Variants in ACBD4 observed in about 807,000 individuals in gnomAD.
The protein encoded by ACBD4 is acyl-CoA-binding domain-containing protein 4.
ACBD4 carries 41 observed loss-of-function variants against 46.0 expected under a neutral mutation model. The observed-to-expected ratio is 0.89, with a 90% CI of 0.69 to 1.16. The LOEUF (loss-of-function observed/expected upper bound fraction) is 1.16, where lower values mean the gene tolerates loss of function less well. Among genes scored for constraint, ACBD4 ranks in the 50% most tolerant of loss-of-function variants. The pLI, the probability that ACBD4 is intolerant of heterozygous loss-of-function variation, is 0.00. For missense variants in ACBD4, 393 were observed against 399.5 expected, an observed-to-expected ratio of 0.98 and a Z score of 0.14; for synonymous variants, 162 against 155.9, an observed-to-expected ratio of 1.04 and a Z score of -0.29.
rs1381815889 is a variant in ACBD4 at position 45,137,116 on chromosome 17, A to C, written c.392A>C (p.Glu131Ala). ...QVIPDMPRPP[E>A]TFLRRVTGWK... Reference sequence around the variant, plus strand: ...ATCCCTGACATGCCGAGGCCCCCAGAGACCTTCCTGAGAAGGGTCACAGGT... The same window carrying C: ...ATCCCTGACATGCCGAGGCCCCCAGCGACCTTCCTGAGAAGGGTCACAGGT... Residue 131 changes from glutamate to alanine, a missense_variant, in exon 5 of 10, where the codon GAG becomes GCG. Physicochemically the swap from Glu to Ala is moderately radical, Grantham distance 107. Coordinates refer to ENST00000321854, the MANE Select transcript of ACBD4 (RefSeq NM_001135705.3). 1 of 1,614,096 alleles carries C rather than the reference A, an allele frequency of 6.2e-7. No individual in the cohort carries two copies. The highest frequency in any genetic ancestry group is 8.5e-7 in the Non-Finnish European group (1 of 1,180,014).
rs1214743516 is a variant in ACBD4, at chr17:45,143,816, TC to T, written c.*249del. The T allele has an allele frequency of 1.1e-5, 7 of 618,516 alleles. No homozygotes were observed. Among genetic ancestry groups the T allele is most frequent in the Non-Finnish European group, 1.9e-5 (7 of 363,518 alleles). The allele number at this position is 618,516 out of a possible 1,614,324, so 38.3% of individuals were successfully genotyped here. On this transcript the variant is annotated 3_prime_UTR_variant, in exon 10 of 10. Coordinates refer to ENST00000321854, the MANE Select transcript of ACBD4 (RefSeq NM_001135705.3). Reference sequence around the variant, plus strand: ...TGGGAGGCTGCAGTTGTGGTACACGTCCCCGGTGCTGGGTTGGCCGTGACTC... The same window carrying T: ...TGGGAGGCTGCAGTTGTGGTACACGTCCCGGTGCTGGGTTGGCCGTGACTC...
At chr17:45,136,378 G>A in intron 2 of ACBD4, 122 bp from the exon 3 acceptor site, 1 of 1,459,002 alleles carries the variant, frequency 6.9e-7, no homozygotes, top group Non-Finnish European at 9.4e-7. Context: ...TCCTATCCTA[G>A]TCCAGATGCC....
Position 45,136,244 on chromosome 17 carries a change from GGGACTCGCATTT to G in ACBD4, c.88+24_88+35del. ...CCTGCCCAAGAACGGTGAGGCTGCG[GGGACTCGCATTT>G]GGACTCGCATTCAGGACGCCTGGGG... On this transcript the variant is annotated intron_variant, in intron 2 of 9. Transcript: ENST00000321854. 1 of 1,612,092 alleles carries G rather than the reference GGGACTCGCATTT, an allele frequency of 6.2e-7. No homozygotes were observed. Among genetic ancestry groups the G allele is most frequent in the Non-Finnish European group, 8.5e-7 (1 of 1,179,214 alleles).
Position 45,143,733 on chromosome 17 carries a change from C to G in ACBD4, c.*162C>G. The G allele has an allele frequency of 8.5e-7, 1 of 1,175,214 alleles. No homozygotes were observed. The highest frequency in any genetic ancestry group is 2.3e-5 in the Admixed American group (1 of 42,634). The allele number at this position is 1,175,214 out of a possible 1,614,324, so 72.8% of individuals were successfully genotyped here. A position where few individuals can be genotyped will look rare whatever the true frequency, so the allele number is the denominator to read the frequency against. ...GCGGGGGGCAAATAAGACCCCACCC[C>G]TCCCTGCAGCTTCACAGGGACGCTT... On this transcript the variant is annotated 3_prime_UTR_variant, in exon 10 of 10. Transcript: ENST00000321854.
intron 6 of ACBD4, 54 bp downstream of exon 6, chr17:45,137,508 G>A: frequency 1.9e-6 from 3 of 1,587,154 alleles, no homozygotes; most frequent in Non-Finnish European, 2.6e-6. Context: ...GAGGGCTGGA[G>A]GGGAGAAGGC....
chr17:45,136,900 C>T, intron 4 of ACBD4, 119 bp from the exon 5 acceptor site: 1 of 1,584,472 alleles, frequency 6.3e-7, no homozygotes, highest in South Asian at 1.1e-5. Flanking sequence ...TCATGTTACC[C>T]CCAACCCTGC....
Position 45,137,034 on chromosome 17 carries a change from C to T in ACBD4, c.310C>T (p.Pro104Ser). 2 of 1,614,142 alleles carry T rather than the reference C, an allele frequency of 1.2e-6. No individual in the cohort carries two copies. Among genetic ancestry groups the T allele is most frequent in the Non-Finnish European group, 8.5e-7 (1 of 1,180,008 alleles). The change falls in exon 5 of 10, where the codon CCC (proline) becomes TCC (serine). Residue 104 changes from proline (P) to serine (S), a missense_variant. Transcript: ENST00000321854. ...TCCCCTACAGGTGATCGACACAGTG[C>T]CCCTGGGTGAGGTGGCAGAGGACAT... Reference protein sequence around the residue: ...LVAQKVIDTVPLGEVAEDMFG... With the variant: ...LVAQKVIDTVSLGEVAEDMFG...
chr17:45,142,293 T>C (rs1218225434), intron 9 of ACBD4, among the ~76,000 whole-genome samples: 1 of 140,566 alleles, frequency 7.1e-6, no homozygotes, highest in Non-Finnish European at 1.5e-5. Context: ...CTCAGGAGGC[T>C]GATGCGGGAG....
At position 45,136,153 on chromosome 17, in the gene ACBD4, C is replaced by T. The variant is rs779376946; in HGVS notation, c.9C>T (p.Thr3=). The T allele has an allele frequency of 5.0e-6, 8 of 1,613,334 alleles. No homozygotes were observed. The Admixed American group carries it at 1.2e-4, about 24-fold the overall frequency. Reference sequence around the variant, plus strand: ...CCAGGGCTCGCAGCAGCATGGGCACCGAGAAAGAAAGCCCAGAGCCCGACT... The same window carrying T: ...CCAGGGCTCGCAGCAGCATGGGCACTGAGAAAGAAAGCCCAGAGCCCGACT... MG[T]EKESPEPDCQ... The change falls in exon 2 of 10, where the codon ACC becomes ACT. Residue 3 remains threonine (T), a synonymous_variant. Coordinates refer to ENST00000321854, the MANE Select transcript of ACBD4 (RefSeq NM_001135705.3).
intron 9 of ACBD4, among the ~76,000 whole-genome samples, chr17:45,140,702 G>A (rs574298594): frequency 5.2e-4 from 78 of 149,178 alleles, no homozygotes; most frequent in Admixed American, 4.5e-3. Context: ...GTTCCACCCC[G>A]AAAGAGTTGG....
chr17:45,136,476 C>G (rs761579747), intron 2 of ACBD4, 24 bp from the exon 3 acceptor site: 1 of 1,605,476 alleles, frequency 6.2e-7, no homozygotes, highest in South Asian at 1.1e-5. Context: ...ATGCTTTGCC[C>G]TGGCTTCCCA....
At chr17:45,140,355 G>C (rs1253921243) in intron 9 of ACBD4, among the ~76,000 whole-genome samples, 3 of 150,490 alleles carry the variant, frequency 2.0e-5, no homozygotes, top group African/African-American at 7.3e-5. Flanking sequence ...GATACTTTTT[G>C]TATTTTTAGT....
Position 45,143,847 on chromosome 17 carries a change from G to T in ACBD4, c.*276G>T, listed in dbSNP as rs1370311560. The stretch of plus-strand genomic sequence containing the variant: ...GTGCTGGGTTGGCCGTGACTCGGGG[G>T]CGGGGCGATCGGGTCTCAGCCCCTG... On this transcript the variant is annotated 3_prime_UTR_variant, in exon 10 of 10. Transcript: ENST00000321854. 2 of 517,766 alleles carry T rather than the reference G, an allele frequency of 3.9e-6. No homozygotes were observed. Among genetic ancestry groups the T allele is most frequent in the African/African-American group, 3.9e-5 (2 of 51,144 alleles). The allele number at this position is 517,766 out of a possible 1,614,324, so 32.1% of individuals were successfully genotyped here. A position where few individuals can be genotyped will look rare whatever the true frequency, so the allele number is the denominator to read the frequency against.
At chr17:45,133,144 C>G (rs1200294123), upstream of ACBD4, 1 of 152,242 alleles carries the variant, frequency 6.6e-6, no homozygotes, top group East Asian at 1.9e-4. Context: ...GAGGCTTGGA[C>G]AGGCCGGCAC....
At chr17:45,132,671 C>A, upstream of ACBD4, 1 of 235,878 alleles carries the variant, frequency 4.2e-6, no homozygotes, top group East Asian at 9.5e-5. This position sits in a 1 kb window ranked among gnomAD's most constrained non-coding sequence, Gnocchi z 4.6. Flanking sequence ...CTCGTGAGTC[C>A]GTCTCCCCTT....
At chr17:45,138,638 A>G (rs1354805005) in intron 8 of ACBD4, 1 of 230,782 alleles carries the variant, frequency 4.3e-6, no homozygotes, top group Non-Finnish European at 8.8e-6. Context: ...TAAAAATACA[A>G]ATATTAGCCG....
intron 8 of ACBD4, 138 bp from the exon 9 acceptor site, chr17:45,138,883 G>C: frequency 2.2e-6 from 2 of 889,786 alleles, no homozygotes; most frequent in Non-Finnish European, 1.7e-6. Context: ...TACATAGATG[G>C]ACTTTGCAAG....
rs766808877 is a variant in ACBD4, at chr17:45,136,747, A to G, written c.265A>G (p.Ile89Val). Residue 89 changes from isoleucine (I) to valine (V), a missense_variant, in exon 4 of 10, where the codon ATC (isoleucine) becomes GTC (valine). By Grantham distance (29) the Ile-to-Val change is conservative. Transcript: ENST00000321854. ...MSREEAMSAY[I>V]TEMKLVAQKV... The stretch of plus-strand genomic sequence containing the variant: ...CAGGGAGGAGGCCATGTCTGCCTAC[A>G]TCACTGAAATGAAACTGGTGGCACA... The G allele has an allele frequency of 4.3e-6, 7 of 1,613,670 alleles. No individual in the cohort carries two copies. In the South Asian group the frequency reaches 7.7e-5, roughly 18 times the overall value.
In ACBD4 at chr17:45,137,837, C is replaced by T. The variant is rs2054962996; in HGVS notation, c.573+7C>T. 1 of 1,613,440 alleles carries T rather than the reference C, an allele frequency of 6.2e-7. No individual in the cohort carries two copies. Among genetic ancestry groups the T allele is most frequent in the Admixed American group, 1.7e-5 (1 of 60,024 alleles). On this transcript the variant is annotated splice_region_variant and intron_variant, in intron 7 of 9. Transcript: ENST00000321854. ...GCAGCTGGAGCCTGAGCTGGTGAGC[C>T]CAGTCCCCATTCCCCCCTTTTCCCA...
Sources: allele counts gnomAD v4.1 joint callset (sites outside exome capture counted in the v4.1 genomes callset), GRCh38; gene constraint gnomAD v4.1.1; non-coding constraint Gnocchi (gnomAD v3.1); transcripts MANE v1.5; gene names NCBI Gene and HGNC (gene_info 2026-07-23, HGNC 2026-07-21).